The following FRMPD3 variants were observed in gnomAD, a reference collection of about 807,000 sequenced individuals.
FRMPD3 encodes the protein FERM and PDZ domain containing 3.
In FRMPD3, 42 loss-of-function variants were observed where a neutral mutation model predicts 97.9. That is an observed-to-expected ratio of 0.43 (90% CI 0.34 to 0.55). FRMPD3 has a LOEUF of 0.55. Among genes scored for constraint, FRMPD3 ranks in the 20% least tolerant of loss-of-function variants. FRMPD3 has a pLI of 0.03. For synonymous variants in FRMPD3, 577 were observed against 581.1 expected (o/e 0.99, Z 0.10); for missense variants, 1,303 against 1,457.7 (o/e 0.89, Z 1.73).
chrX:107,533,501 G>C lies in FRMPD3; in HGVS notation c.252-4G>C. 7.5e-6 allele frequency: 9 copies of C among 1,206,280 alleles called. No individual in the cohort carries two copies. The highest frequency in any genetic ancestry group is 1.0e-5 in the Non-Finnish European group (9 of 891,988). On this transcript the variant is annotated splice_region_variant and splice_polypyrimidine_tract_variant and intron_variant, in intron 3 of 14. Transcript: ENST00000683843. ...TACTCTCCTATTCCCTCTTTTCTCTGTAGGAGCGCTAAGGAATTCATCGTT... is the reference window on the plus strand; with the variant it reads ...TACTCTCCTATTCCCTCTTTTCTCTCTAGGAGCGCTAAGGAATTCATCGTT...
At chrX:107,506,577 TAGTA>T (rs1386486638) in intron 1 of FRMPD3, among the ~76,000 whole-genome samples, 1 of 112,462 alleles carries the variant, frequency 8.9e-6, no homozygotes, top group Non-Finnish European at 1.9e-5. Flanking sequence ...GCCTGGCACT[TAGTA>T]AGTAAGCAAG....
chrX:107,588,327 T>C (rs933366638), intron 13 of FRMPD3, among the ~76,000 whole-genome samples: 2 of 109,675 alleles, frequency 1.8e-5, no homozygotes, highest in Admixed American at 2.0e-4. Context: ...CAATCTCAGC[T>C]CACCACAACC....
Position 107,601,316 on chromosome X carries a change from A to G in FRMPD3, c.3277A>G (p.Thr1093Ala). The G allele has an allele frequency of 8.3e-7, 1 of 1,206,136 alleles. No homozygotes were observed. The highest frequency in any genetic ancestry group is 1.1e-6 in the Non-Finnish European group (1 of 892,557). The change falls in exon 15 of 15, where the codon ACC (threonine) becomes GCC (alanine). Residue 1093 changes from threonine (T) to alanine (A), a missense_variant. Around this residue, in one of 3 missense-constraint regions of FRMPD3, gnomAD observed 764 missense variants for 820.2 expected, o/e 0.93. Transcript: ENST00000683843. ...GKGGPVGGKPTLQKQGTISSQ... is the reference protein window; with the variant it reads ...GKGGPVGGKPALQKQGTISSQ... Reference sequence around the variant, plus strand: ...AGGCGGGCCAGTGGGTGGTAAGCCCACCCTGCAGAAGCAGGGCACCATCTC... The same window carrying G: ...AGGCGGGCCAGTGGGTGGTAAGCCCGCCCTGCAGAAGCAGGGCACCATCTC...
chrX:107,464,002 T>C (rs1389666991), intron 1 of FRMPD3, among the ~76,000 whole-genome samples: 1 of 111,738 alleles, frequency 8.9e-6, no homozygotes, highest in Non-Finnish European at 1.9e-5. Context: ...GATTTGTTTG[T>C]AGGTAAGATT....
chrX:107,555,409 C>T (rs1194476329), intron 8 of FRMPD3, among the ~76,000 whole-genome samples: 1 of 111,919 alleles, frequency 8.9e-6, no homozygotes, highest in Non-Finnish European at 1.9e-5. Flanking sequence ...TTTCATGCTT[C>T]CTGGAGTGGT....
chrX:107,537,766 T>C (rs143224660), intron 4 of FRMPD3, among the ~76,000 whole-genome samples: 3,130 of 111,768 alleles, frequency 0.028, 109 homozygotes, highest in African/African-American at 0.096. Flanking sequence ...CTTACCTACA[T>C]GTGCAGTCGA....
In FRMPD3 at chrX:107,564,895, G is replaced by A. The variant is rs1602824815; in HGVS notation, c.1125G>A (p.Lys375=). Residue 375 remains lysine (K), a synonymous_variant, in exon 12 of 15, where the codon AAG becomes AAA. Transcript: ENST00000683843. The part of the protein sequence containing the change: ...VLFNTVGLDE[K]QSATTLLVGP... ...CCATTCTTGGGCACCAGGATGAGAA[G>A]CAGTCGGCCACCACGCTCCTGGTGG... 1 of 1,210,659 alleles carries A rather than the reference G, an allele frequency of 8.3e-7. No homozygotes were observed.
chrX:107,462,930 A>T (rs1017078516), intron 1 of FRMPD3, among the ~76,000 whole-genome samples: 10 of 111,530 alleles, frequency 9.0e-5, no homozygotes, highest in African/African-American at 2.6e-4. Flanking sequence ...ACTGAATTTC[A>T]GTTATCTGCT....
At chrX:107,563,041 G>A (rs761263252) in intron 10 of FRMPD3, 70 bp from the exon 11 acceptor site, 5 of 861,412 alleles carry the variant, frequency 5.8e-6, no homozygotes, top group South Asian at 2.2e-5. Context: ...GAGACTCCTC[G>A]TTGAGAACAT....
chrX:107,572,025 A>G (rs775976298), intron 12 of FRMPD3, among the ~76,000 whole-genome samples: 14 of 111,815 alleles, frequency 1.3e-4, no homozygotes, highest in Non-Finnish European at 1.7e-4. Flanking sequence ...ACACCTCGCA[A>G]TCATATTTAT....
chrX:107,541,326 T>C (rs1311810734), intron 4 of FRMPD3, among the ~76,000 whole-genome samples: 2 of 112,413 alleles, frequency 1.8e-5, no homozygotes, highest in African/African-American at 6.5e-5. Flanking sequence ...AAAGCAGGCC[T>C]CACCTGTGTC....
In FRMPD3 at chrX:107,598,026, G is replaced by A. The variant is rs769126912; in HGVS notation, c.2147G>A (p.Arg716Gln). ...PVTLIDSVQT[R>Q]TVRDHAQELD... Reference sequence around the variant, plus strand: ...ACATTGATTGACAGTGTGCAGACCCGGACAGTTCGAGATCATGCCCAGGAG... The same window carrying A: ...ACATTGATTGACAGTGTGCAGACCCAGACAGTTCGAGATCATGCCCAGGAG... Residue 716 changes from arginine (R) to glutamine (Q), a missense_variant, in exon 14 of 15, where the codon CGG (arginine) becomes CAG (glutamine). By Grantham distance (43) the Arg-to-Gln change is conservative. This residue lies in a region of FRMPD3 where 535 missense variants were observed against 618.6 expected (regional missense o/e 0.86). Transcript: ENST00000683843. The A allele has an allele frequency of 3.6e-5, 44 of 1,208,694 alleles. No individual in the cohort carries two copies. Among genetic ancestry groups the A allele is most frequent in the African/African-American group, 8.8e-5 (5 of 57,060 alleles).
At chrX:107,572,100 G>A (rs1229989784) in intron 12 of FRMPD3, among the ~76,000 whole-genome samples, 11 of 112,208 alleles carry the variant, frequency 9.8e-5, no homozygotes, top group Non-Finnish European at 1.9e-5. Context: ...CATGAGGGCA[G>A]GAACTAGGTT....
chrX:107,584,178 T>TG (rs943943422), intron 13 of FRMPD3, among the ~76,000 whole-genome samples: 4 of 111,463 alleles, frequency 3.6e-5, no homozygotes, highest in African/African-American at 1.3e-4. Context: ...TGTTTTGTTT[T>TG]TTGTTGTTGT....
intron 1 of FRMPD3, among the ~76,000 whole-genome samples, chrX:107,473,431 C>T (rs1350334148): frequency 1.8e-5 from 2 of 110,877 alleles, no homozygotes; most frequent in African/African-American, 3.3e-5. Flanking sequence ...TTTGCGGGCA[C>T]GGAATCTGTC....
intron 13 of FRMPD3, among the ~76,000 whole-genome samples, chrX:107,580,764 G>A (rs1213584785): frequency 4.5e-5 from 5 of 111,202 alleles, no homozygotes; most frequent in Non-Finnish European, 9.4e-5. Context: ...CCTGGATGGA[G>A]GGTAATTAAA....
rs148041320 is a variant in FRMPD3, at chrX:107,596,606, T to G, written c.1442-715T>G. Among the ~76,000 whole-genome samples the G allele has an allele frequency of 7.1e-3, 795 of 112,250 alleles. 7 individuals are homozygous for G. The highest frequency in any genetic ancestry group is 0.024 in the African/African-American group (738 of 30,930). On this transcript the variant is annotated intron_variant, in intron 13 of 14. Transcript: ENST00000683843. Reference sequence around the variant, plus strand: ...TATGTGTAGCAGGTAGGGCTGGCCCTGCATGAATGCAGAAAAGAATAAAAT... The same window carrying G: ...TATGTGTAGCAGGTAGGGCTGGCCCGGCATGAATGCAGAAAAGAATAAAAT...
At chrX:107,532,496 G>A (rs964407914) in intron 3 of FRMPD3, among the ~76,000 whole-genome samples, 4 of 112,442 alleles carry the variant, frequency 3.6e-5, no homozygotes, top group South Asian at 3.7e-4. Context: ...CATGGCAAGG[G>A]GCTGGAGGAG....
intron 1 of FRMPD3, among the ~76,000 whole-genome samples, chrX:107,452,309 C>A (rs756108517): frequency 9.0e-6 from 1 of 111,660 alleles, no homozygotes; most frequent in Non-Finnish European, 1.9e-5. Flanking sequence ...GAGAAGGTTT[C>A]AATTGACTTG....
Sources: allele counts gnomAD v4.1 joint callset (sites outside exome capture counted in the v4.1 genomes callset), GRCh38; gene constraint gnomAD v4.1.1; regional missense constraint gnomAD v4.1.1; transcripts MANE v1.5; gene names NCBI Gene and HGNC (gene_info 2026-07-23, HGNC 2026-07-21).